FBXO11: variants seen among roughly 807,000 people sequenced by gnomAD.
FBXO11 encodes the protein F-box protein 11.
A neutral mutation model predicts 117.0 loss-of-function variants in FBXO11; 13 were observed. The observed-to-expected ratio is 0.11, with a 90% confidence interval of 0.07 to 0.18. The LOEUF is 0.18. Ranked by LOEUF, FBXO11 falls within the 10% of genes least tolerant of loss-of-function variation. The pLI, the probability that FBXO11 is intolerant of heterozygous loss-of-function variation, is 1.00. For missense variants in FBXO11, 767 were observed against 1,164.4 expected (o/e 0.66, Z 4.97); for synonymous variants, 490 against 380.5 (o/e 1.29, Z -3.35).
chr2:47,890,964 T>C (rs1310840639), intron 1 of FBXO11, among the ~76,000 whole-genome samples: 2 of 151,790 alleles, frequency 1.3e-5, no homozygotes, highest in African/African-American at 2.4e-5. Flanking sequence ...ACCACAGGCA[T>C]GTGCCACCAT....
intron 19 of FBXO11, chr2:47,809,952 C>G: frequency 6.0e-6 from 3 of 503,190 alleles, no homozygotes; most frequent in Non-Finnish European, 1.0e-5. Context: ...ATACATGATA[C>G]TTGGATTTCA....
In FBXO11 at chr2:47,900,587, TACGTATATACACACGTATACAC is replaced by T. The variant is rs1166554323; in HGVS notation, c.232+4880_232+4901del. Among the ~76,000 whole-genome samples, 623 of 144,422 alleles carry T rather than the reference TACGTATATACACACGTATACAC, an allele frequency of 4.3e-3. 31 individuals are homozygous for T. The highest frequency in any genetic ancestry group is 0.025 in the East Asian group (122 of 4,950). The allele number at this position is 144,422 out of a possible 152,430, so 94.7% of individuals were successfully genotyped here. Reference sequence around the variant, plus strand: ...ATATACACACGTATACACACATATATACGTATATACACACGTATACACACGTATATACACACGTATACACACA... The same window carrying T: ...ATATACACACGTATACACACATATATACGTATATACACACGTATACACACA... On this transcript the variant is annotated intron_variant, in intron 1 of 22. Transcript: ENST00000403359.
chr2:47,869,269 G>A (rs954669945), intron 1 of FBXO11, among the ~76,000 whole-genome samples: 4 of 152,164 alleles, frequency 2.6e-5, no homozygotes, highest in African/African-American at 9.7e-5. Flanking sequence ...TTAGTTCTAG[G>A]CTTTTATCAA....
intron 14 of FBXO11, among the ~76,000 whole-genome samples, chr2:47,819,914 A>C (rs760098541): frequency 2.6e-5 from 4 of 152,220 alleles, no homozygotes; most frequent in Non-Finnish European, 1.5e-5. Context: ...CCATGAGTGA[A>C]GACGATTAAT....
intron 1 of FBXO11, among the ~76,000 whole-genome samples, chr2:47,884,577 C>A (rs1676673293): frequency 6.6e-6 from 1 of 152,152 alleles, no homozygotes; most frequent in Non-Finnish European, 1.5e-5. Context: ...CATCTACATT[C>A]ATTCGGAAAG....
At chr2:47,839,339 A>C in intron 3 of FBXO11, 80 bp downstream of exon 3, 2 of 1,297,686 alleles carry the variant, frequency 1.5e-6, no homozygotes, top group Non-Finnish European at 2.2e-6. Flanking sequence ...ACTCGAATAC[A>C]CTTAATTTTC....
At chr2:47,888,576 A>T (rs1477556456) in intron 1 of FBXO11, 7 of 566,952 alleles carry the variant, frequency 1.2e-5, no homozygotes, top group Admixed American at 6.3e-5. Flanking sequence ...TAGCTGAGCA[A>T]CCTTTTTCTT....
At chr2:47,852,358 AG>A (rs1169759290) in intron 1 of FBXO11, among the ~76,000 whole-genome samples, 1 of 152,184 alleles carries the variant, frequency 6.6e-6, no homozygotes, top group East Asian at 1.9e-4. Context: ...GAGGGGGCTC[AG>A]CATCATCAGC....
chr2:47,902,499 G>C (rs1230893567), intron 1 of FBXO11, among the ~76,000 whole-genome samples: 1 of 152,000 alleles, frequency 6.6e-6, no homozygotes, highest in Non-Finnish European at 1.5e-5. Flanking sequence ...GGCCATTACA[G>C]ATAAGACAAA....
chr2:47,890,030 A>T (rs1022431548), intron 1 of FBXO11, among the ~76,000 whole-genome samples: 2 of 152,184 alleles, frequency 1.3e-5, no homozygotes, highest in African/African-American at 4.8e-5. Flanking sequence ...CAGAGTCCCA[A>T]ATATCAAATT....
At chr2:47,869,276 T>C (rs1346435100) in intron 1 of FBXO11, among the ~76,000 whole-genome samples, 1 of 152,174 alleles carries the variant, frequency 6.6e-6, no homozygotes, top group Non-Finnish European at 1.5e-5. Context: ...TAGGCTTTTA[T>C]CAAGAGACAC....
At chr2:47,902,396 G>A (rs928615427) in intron 1 of FBXO11, among the ~76,000 whole-genome samples, 1 of 152,256 alleles carries the variant, frequency 6.6e-6, no homozygotes, top group African/African-American at 2.4e-5. Flanking sequence ...ATTTCCTTAC[G>A]TGGGGTGTAA....
chr2:47,830,818 T>C (rs1023066038), intron 11 of FBXO11, among the ~76,000 whole-genome samples: 2 of 151,978 alleles, frequency 1.3e-5, no homozygotes, highest in Non-Finnish European at 2.9e-5. Context: ...CTTGGCCAGG[T>C]GTGGTGGCTC....
chr2:47,842,925 T>C (rs907762972), intron 1 of FBXO11, among the ~76,000 whole-genome samples: 5 of 152,120 alleles, frequency 3.3e-5, no homozygotes, highest in African/African-American at 1.2e-4. Context: ...GAACTGCAGA[T>C]GTGAACCACC....
intron 16 of FBXO11, among the ~76,000 whole-genome samples, chr2:47,814,971 T>C (rs1452451578): frequency 6.6e-6 from 1 of 152,200 alleles, no homozygotes; most frequent in Non-Finnish European, 1.5e-5. Context: ...CAACTCCTCA[T>C]CTGTCCAAGT....
intron 16 of FBXO11, among the ~76,000 whole-genome samples, chr2:47,817,307 C>T (rs564282301): frequency 3.0e-4 from 46 of 152,292 alleles, no homozygotes; most frequent in Middle Eastern, 3.4e-3. Flanking sequence ...TAGGAATTGG[C>T]TTAAGGGAAT....
At chr2:47,848,792 A>G (rs535523888) in intron 1 of FBXO11, among the ~76,000 whole-genome samples, 139 of 152,324 alleles carry the variant, frequency 9.1e-4, no homozygotes, top group African/African-American at 3.2e-3. Flanking sequence ...GATTCAAATA[A>G]GATTCCTAAC....
chr2:47,893,066 A>T (rs1333077934), intron 1 of FBXO11, among the ~76,000 whole-genome samples: 1 of 152,090 alleles, frequency 6.6e-6, no homozygotes, highest in Non-Finnish European at 1.5e-5. Flanking sequence ...GAGGCACAAG[A>T]ACTGCTTGAA....
chr2:47,830,866 C>T (rs1303648450), intron 11 of FBXO11, among the ~76,000 whole-genome samples: 1 of 152,078 alleles, frequency 6.6e-6, no homozygotes, highest in Admixed American at 6.5e-5. Flanking sequence ...CATCTTACAT[C>T]TTGGCTCACT....
Sources: allele counts gnomAD v4.1 joint callset (sites outside exome capture counted in the v4.1 genomes callset), GRCh38; gene constraint gnomAD v4.1.1; transcripts MANE v1.5; gene names NCBI Gene and HGNC (gene_info 2026-07-23, HGNC 2026-07-21).